Variants in EPHA7 observed in about 807,000 individuals in gnomAD.
EPHA7 encodes ephrin type-A receptor 7.
Under a neutral mutation model 112.6 loss-of-function variants are expected in EPHA7, and 25 were observed. The ratio of observed to expected loss-of-function variants is 0.22; its 90% CI spans 0.16 to 0.31. EPHA7 has a LOEUF of 0.31. EPHA7 is among the 10% of genes least tolerant of loss of function. The pLI, the probability that EPHA7 is intolerant of heterozygous loss-of-function variation, is 1.00. For synonymous variants in EPHA7, 437 were observed against 406.5 expected, an observed-to-expected ratio of 1.07 and a Z score of -0.90; for missense variants, 962 against 1,212.6, an observed-to-expected ratio of 0.79 and a Z score of 3.07.
intron 5 of EPHA7, among the ~76,000 whole-genome samples, chr6:93,335,307 C>T (rs1440927898): frequency 2.0e-5 from 3 of 151,984 alleles, no homozygotes; most frequent in Non-Finnish European, 4.4e-5. Flanking sequence ...TGAGATTTTT[C>T]ATCTAATGTA....
intron 5 of EPHA7, among the ~76,000 whole-genome samples, chr6:93,301,222 C>CT (rs926097976): frequency 1.3e-5 from 2 of 151,492 alleles, no homozygotes; most frequent in African/African-American, 2.4e-5. Context: ...TTTTAAGTTT[C>CT]TTTTTTTTAA....
intron 5 of EPHA7, among the ~76,000 whole-genome samples, chr6:93,331,328 T>A (rs1582535104): frequency 6.6e-6 from 1 of 151,340 alleles, no homozygotes; most frequent in African/African-American, 2.4e-5. Flanking sequence ...TTCAATAATA[T>A]CTTTCTTGCT....
At chr6:93,314,069 GTTTT>G (rs550705305) in intron 5 of EPHA7, among the ~76,000 whole-genome samples, 2 of 147,940 alleles carry the variant, frequency 1.4e-5, no homozygotes, top group Non-Finnish European at 3.0e-5. Context: ...CTTTTCTCCT[GTTTT>G]TTTTTCTGTT....
At chr6:93,314,865 T>TC (rs1773718577) in intron 5 of EPHA7, among the ~76,000 whole-genome samples, 1 of 139,900 alleles carries the variant, frequency 7.1e-6, no homozygotes, top group Non-Finnish European at 1.5e-5. Flanking sequence ...TTTCTTTTTT[T>TC]TTTTTTTTTT....
intron 5 of EPHA7, among the ~76,000 whole-genome samples, chr6:93,302,646 C>A (rs1240181666): frequency 2.0e-5 from 3 of 152,072 alleles, no homozygotes; most frequent in South Asian, 2.1e-4. Flanking sequence ...ATATTTGAAA[C>A]AGAGATAATT....
intron 4 of EPHA7, 122 bp downstream of exon 4, chr6:93,358,134 A>T: frequency 1.4e-6 from 1 of 700,116 alleles, no homozygotes. Context: ...TTTTAAAATA[A>T]TTTTAATATT....
intron 12 of EPHA7, 69 bp downstream of exon 12, chr6:93,257,393 A>C (rs1014062709): frequency 1.6e-6 from 2 of 1,230,664 alleles, no homozygotes; most frequent in African/African-American, 3.1e-5. Flanking sequence ...CATTGCAAAA[A>C]AAGTTCATAA....
chr6:93,377,200 T>C (rs1471368197), intron 3 of EPHA7, among the ~76,000 whole-genome samples: 1 of 152,134 alleles, frequency 6.6e-6, no homozygotes. Context: ...TTGGTAGACA[T>C]CAAGCATGCT....
intron 3 of EPHA7, among the ~76,000 whole-genome samples, chr6:93,374,729 T>C (rs536915194): frequency 6.6e-6 from 1 of 152,260 alleles, no homozygotes; most frequent in East Asian, 1.9e-4. Flanking sequence ...GCTAGAACCA[T>C]CATTAGATCA....
At position 93,259,550 on chromosome 6, in the gene EPHA7, A is replaced by G. The variant is rs1582403668; in HGVS notation, c.1799-71T>C. On this transcript the variant is annotated intron_variant, in intron 9 of 16. Transcript: ENST00000369303. Reference sequence around the variant, plus strand: ...ATTGTGCAGTCAGCCCAGGAATTTCATTATGCAGAGTGCTCCTTGGAACAG... The same window carrying G: ...ATTGTGCAGTCAGCCCAGGAATTTCGTTATGCAGAGTGCTCCTTGGAACAG... The G allele has an allele frequency of 6.3e-6, 10 of 1,575,728 alleles. No homozygotes were observed. The East Asian group carries it at 2.3e-4, about 36-fold the overall frequency.
intron 3 of EPHA7, among the ~76,000 whole-genome samples, chr6:93,395,580 C>T (rs1303153436): frequency 1.4e-5 from 2 of 138,576 alleles, no homozygotes; most frequent in Non-Finnish European, 3.1e-5. Context: ...TTATTTCACA[C>T]ACACACACAC....
intron 5 of EPHA7, among the ~76,000 whole-genome samples, chr6:93,341,564 A>T (rs1460617079): frequency 6.6e-6 from 1 of 151,892 alleles, no homozygotes; most frequent in Non-Finnish European, 1.5e-5. Context: ...ATATAACTGA[A>T]TTTAAAGTAC....
intron 16 of EPHA7, 122 bp downstream of exon 16, chr6:93,245,176 G>A: frequency 4.3e-6 from 4 of 920,498 alleles, no homozygotes; most frequent in Non-Finnish European, 6.4e-6. Context: ...TGTTAAAGAA[G>A]TATTTTTTTT....
At chr6:93,365,949 A>C (rs1776485439) in intron 3 of EPHA7, among the ~76,000 whole-genome samples, 2 of 152,192 alleles carry the variant, frequency 1.3e-5, no homozygotes, top group South Asian at 4.1e-4. Flanking sequence ...GTAAAATAAG[A>C]AGCTTTAAAA....
chr6:93,322,522 A>T (rs976299203), intron 5 of EPHA7, among the ~76,000 whole-genome samples: 1 of 151,480 alleles, frequency 6.6e-6, no homozygotes, highest in African/African-American at 2.4e-5. Flanking sequence ...ACTCTTCATT[A>T]ATTAATTTCT....
At chr6:93,367,676 T>A (rs1375855808) in intron 3 of EPHA7, among the ~76,000 whole-genome samples, 1 of 152,078 alleles carries the variant, frequency 6.6e-6, no homozygotes, top group Non-Finnish European at 1.5e-5. Context: ...CACTGTGTGG[T>A]CTTTACAAAT....
chr6:93,355,391 A>C (rs1775896866), intron 5 of EPHA7, among the ~76,000 whole-genome samples: 1 of 152,176 alleles, frequency 6.6e-6, no homozygotes, highest in African/African-American at 2.4e-5. Context: ...TAATCTAAAT[A>C]GGTAACAGTT....
intron 3 of EPHA7, among the ~76,000 whole-genome samples, chr6:93,408,916 T>A (rs2127993296): frequency 6.6e-6 from 1 of 152,192 alleles, no homozygotes; most frequent in Non-Finnish European, 1.5e-5. Flanking sequence ...ATACCTAAAA[T>A]ATGATTATTT....
intron 14 of EPHA7, among the ~76,000 whole-genome samples, chr6:93,248,035 C>T (rs394705): frequency 0.66 from 100,084 of 151,720 alleles, 33,752 homozygotes; most frequent in South Asian, 0.83. Flanking sequence ...AACACTAAAA[C>T]AGCATTCGAG....
Sources: allele counts gnomAD v4.1 joint callset (sites outside exome capture counted in the v4.1 genomes callset), GRCh38; gene constraint gnomAD v4.1.1; transcripts MANE v1.5; gene names NCBI Gene and HGNC (gene_info 2026-07-23, HGNC 2026-07-21).